The following AAK1 variants were observed in gnomAD, a reference collection of about 807,000 sequenced individuals.
The protein encoded by AAK1 is AP2-associated protein kinase 1.
AAK1 carries 37 observed loss-of-function variants against 116.0 expected under a neutral mutation model. The ratio of observed to expected loss-of-function variants is 0.32; its 90% CI spans 0.25 to 0.42. The LOEUF is 0.42. AAK1 is among the 10% of genes least tolerant of loss of function. The pLI is 1.00. For missense variants in AAK1, 919 were observed against 1,170.6 expected (o/e 0.79, Z 3.14); for synonymous variants, 458 against 439.9 (o/e 1.04, Z -0.51).
At chr2:69,530,760 C>G (rs1188309679) in intron 6 of AAK1, 54 bp from the exon 7 acceptor site, 9 of 1,361,220 alleles carry the variant, frequency 6.6e-6, no homozygotes, top group Non-Finnish European at 9.4e-6. Flanking sequence ...TAATTAAAAA[C>G]CAGGAGCAGC....
chr2:69,637,947 A>G (rs1188927923), intron 2 of AAK1, among the ~76,000 whole-genome samples: 1 of 152,208 alleles, frequency 6.6e-6, no homozygotes, highest in Admixed American at 6.5e-5. Context: ...TGTTAGAAAG[A>G]CTGAAAGAAA....
intron 2 of AAK1, among the ~76,000 whole-genome samples, chr2:69,585,330 G>C (rs1033403207): frequency 1.3e-5 from 2 of 152,030 alleles, no homozygotes; most frequent in South Asian, 4.1e-4. Context: ...CCAAAGTATT[G>C]GGACTACAGG....
At chr2:69,595,080 A>G in intron 2 of AAK1, 1 of 687,082 alleles carries the variant, frequency 1.5e-6, no homozygotes, top group Non-Finnish European at 2.7e-6. Flanking sequence ...CACTATCAGC[A>G]TGGAAAAAGC....
intron 2 of AAK1, among the ~76,000 whole-genome samples, chr2:69,581,199 C>T (rs1672527598): frequency 6.6e-6 from 1 of 152,030 alleles, no homozygotes; most frequent in Admixed American, 6.5e-5. Flanking sequence ...CTGCAACCTC[C>T]GCCTCCCGGG....
chr2:69,520,604 T>A (rs1231217605), intron 11 of AAK1, among the ~76,000 whole-genome samples: 12 of 152,104 alleles, frequency 7.9e-5, no homozygotes, highest in Non-Finnish European at 1.5e-5. Context: ...TGACCTCGGA[T>A]GATTCACCCG....
chr2:69,577,327 C>T (rs1001081433), intron 2 of AAK1, among the ~76,000 whole-genome samples: 4 of 152,190 alleles, frequency 2.6e-5, no homozygotes, highest in Non-Finnish European at 5.9e-5. Flanking sequence ...GCCCAGTTTA[C>T]CAATAAGTAA....
intron 13 of AAK1, among the ~76,000 whole-genome samples, chr2:69,513,561 G>A (rs1434169180): frequency 6.6e-6 from 1 of 152,086 alleles, no homozygotes; most frequent in Non-Finnish European, 1.5e-5. Context: ...CTGACCTTGT[G>A]ATCCGCCCGC....
rs1674777655 is a variant in AAK1, at chr2:69,474,371, A to C, written c.*1498T>G. The C allele has an allele frequency of 1.0e-6, 1 of 985,752 alleles. No homozygotes were observed. The highest frequency in any genetic ancestry group is 4.7e-5 in the South Asian group (1 of 21,290). 61.1% of individuals were successfully genotyped at this position (985,752 alleles called of 1,614,324 possible). A position where few individuals can be genotyped will look rare whatever the true frequency, so the allele number is the denominator to read the frequency against. On this transcript the variant is annotated 3_prime_UTR_variant, in exon 22 of 22. Coordinates refer to ENST00000409085, the MANE Select transcript of AAK1 (RefSeq NM_014911.5). ...GTTCTCTGTGCCCACTTCTTTTCAA[A>C]AGGGTGATTTTATAAAAGTGCTTTC...
At chr2:69,531,808 A>C in intron 6 of AAK1, 1 of 1,253,850 alleles carries the variant, frequency 8.0e-7, no homozygotes, top group Non-Finnish European at 1.0e-6. Flanking sequence ...TGACCACAGG[A>C]CCACTGATAA....
chr2:69,561,417 A>C (rs1036835452), intron 2 of AAK1, among the ~76,000 whole-genome samples: 1 of 152,232 alleles, frequency 6.6e-6, no homozygotes, highest in Non-Finnish European at 1.5e-5. Flanking sequence ...AAGGCATTTC[A>C]AAATAAATTA....
At chr2:69,493,158 C>CAAAAAAATAAAAAAAAAA (rs1675603603) in intron 17 of AAK1, among the ~76,000 whole-genome samples, 1 of 37,566 alleles carries the variant, frequency 2.7e-5, no homozygotes, top group Non-Finnish European at 6.5e-5. Flanking sequence ...GACTCCGTCT[C>CAAAAAAATAAAAAAAAAA]AAAAAAAAAA....
At position 69,548,797 on chromosome 2, in the gene AAK1, G is replaced by T. The variant is rs564336655; in HGVS notation, c.283-4253C>A. Among the ~76,000 whole-genome samples, 5 of 152,118 alleles carry T rather than the reference G, an allele frequency of 3.3e-5. No homozygotes were observed. In the South Asian group the frequency reaches 1.0e-3, roughly 32 times the overall value. On this transcript the variant is annotated intron_variant, in intron 3 of 21. Coordinates refer to ENST00000409085, the MANE Select transcript of AAK1 (RefSeq NM_014911.5). ...TTTTTGTATTTTTAGTAGAAACAGG[G>T]TTTCACCATCTTGGCCAGGATGGTC...
At chr2:69,632,076 C>T (rs1291815187) in intron 2 of AAK1, among the ~76,000 whole-genome samples, 1 of 152,118 alleles carries the variant, frequency 6.6e-6, no homozygotes, top group Non-Finnish European at 1.5e-5. Flanking sequence ...GCCAGTATCA[C>T]CTTACAAGCT....
chr2:69,494,208 G>C (rs928578062), intron 17 of AAK1, among the ~76,000 whole-genome samples: 21 of 152,238 alleles, frequency 1.4e-4, no homozygotes, highest in African/African-American at 5.1e-4. Flanking sequence ...GTGTATACCA[G>C]TAACATTTCA....
At chr2:69,637,704 T>G (rs563579121) in intron 2 of AAK1, among the ~76,000 whole-genome samples, 301 of 152,264 alleles carry the variant, frequency 2.0e-3, no homozygotes, top group Admixed American at 3.5e-3. Context: ...GTGGTACTAG[T>G]CCCCTTTCCG....
intron 2 of AAK1, among the ~76,000 whole-genome samples, chr2:69,560,781 T>C (rs1459672742): frequency 6.6e-6 from 1 of 152,232 alleles, no homozygotes; most frequent in Admixed American, 6.5e-5. Flanking sequence ...TTAGAGGTTT[T>C]GTCTGTTTGG....
In AAK1 at chr2:69,469,851, T is replaced by A. The variant is rs1674617375; in HGVS notation, c.*6018A>T. The A allele has an allele frequency of 2.9e-5, 29 of 985,474 alleles. No individual in the cohort carries two copies. Among genetic ancestry groups the A allele is most frequent in the Non-Finnish European group, 3.4e-5 (28 of 829,946 alleles). The allele number at this position is 985,474 out of a possible 1,614,324, so 61.0% of individuals were successfully genotyped here. ...GTTAGGCACGTTGACACTTTCAATA[T>A]GGGTAACTCCATATTAGTCTATTTT... On this transcript the variant is annotated 3_prime_UTR_variant, in exon 22 of 22. Transcript: ENST00000409085.
intron 2 of AAK1, among the ~76,000 whole-genome samples, chr2:69,570,955 T>G (rs60701384): frequency 6.6e-6 from 1 of 151,834 alleles, no homozygotes; most frequent in African/African-American, 2.4e-5. Context: ...GCTCTAAGTT[T>G]GGTGTAGATC....
chr2:69,598,337 T>C (rs996125322), intron 2 of AAK1: 3 of 339,632 alleles, frequency 8.8e-6, no homozygotes, highest in Non-Finnish European at 1.7e-5. Flanking sequence ...TATCCTTTCA[T>C]GGTGTTCCCT....
Sources: gnomAD v4.1 joint callset for allele counts (sites outside exome capture counted in the v4.1 genomes callset) on GRCh38, gnomAD v4.1.1 for gene constraint, MANE v1.5 for transcripts, NCBI Gene and HGNC (gene_info 2026-07-23, HGNC 2026-07-21) for gene names.